The following FMN1 variants were observed in gnomAD, a reference collection of about 807,000 sequenced individuals.
FMN1 encodes the protein formin 1.
In FMN1, 110 loss-of-function variants were observed where a neutral mutation model predicts 132.4. That is an observed-to-expected ratio of 0.83 (90% CI 0.71 to 0.97). The LOEUF is 0.97. Ranked by LOEUF, FMN1 falls within the 50% of genes least tolerant of loss-of-function variation. The pLI, the probability that FMN1 is intolerant of heterozygous loss-of-function variation, is 0.00. For synonymous variants in FMN1, 722 were observed against 651.7 expected, an observed-to-expected ratio of 1.11 and a Z score of -1.64; for missense variants, 1,792 against 1,705.3, an observed-to-expected ratio of 1.05 and a Z score of -0.90.
chr15:32,951,538 G>C (rs1393151826), intron 9 of FMN1, among the ~76,000 whole-genome samples: 1 of 152,086 alleles, frequency 6.6e-6, no homozygotes, highest in East Asian at 1.9e-4. Context: ...TGAGAGATGA[G>C]GCTTCTGGTT....
chr15:32,791,714 T>C (rs1462184829), intron 19 of FMN1, among the ~76,000 whole-genome samples: 1 of 152,062 alleles, frequency 6.6e-6, no homozygotes, highest in Non-Finnish European at 1.5e-5. Context: ...GAGTCAGAAA[T>C]AGATGAAAAA....
intron 7 of FMN1, chr15:32,970,671 T>C (rs2031705955): frequency 6.6e-6 from 1 of 152,088 alleles, no homozygotes; most frequent in South Asian, 2.1e-4. Context: ...TTTAACAGCC[T>C]TGGAGGGAAA....
chr15:32,871,443 G>A (rs565378314), intron 16 of FMN1, among the ~76,000 whole-genome samples: 198 of 152,226 alleles, frequency 1.3e-3, no homozygotes, highest in Middle Eastern at 3.4e-3. Context: ...AACTCCACAA[G>A]CATGTTTAAC....
intron 6 of FMN1, among the ~76,000 whole-genome samples, chr15:33,052,050 A>G (rs575183484): frequency 2.0e-5 from 3 of 152,232 alleles, no homozygotes; most frequent in East Asian, 3.9e-4. Context: ...TCTGAGGAGG[A>G]AAGAATTGAG....
chr15:33,067,556 TTTCTC>T, intron 5 of FMN1: 1 of 1,613,992 alleles, frequency 6.2e-7, no homozygotes, highest in Non-Finnish European at 8.5e-7. Flanking sequence ...CCCTGCTTCT[TTTCTC>T]TGACTTCCCT....
At chr15:33,042,229 T>A (rs2036473605) in intron 6 of FMN1, among the ~76,000 whole-genome samples, 1 of 152,264 alleles carries the variant, frequency 6.6e-6, no homozygotes. Flanking sequence ...AAGAAAATGG[T>A]ACAAGTTTAC....
Position 33,095,778 on chromosome 15 carries a change from T to C in FMN1, c.1868-6804A>G, listed in dbSNP as rs145685876. ...CTTTTATGTCACATTATTCCAATTA[T>C]TATGAGGATGGTTGCACCAGTGGGA... is the stretch of plus-strand genomic sequence containing the variant. On this transcript the variant is annotated intron_variant, in intron 4 of 20. Transcript: ENST00000616417. Among the ~76,000 whole-genome samples the C allele has an allele frequency of 1.5e-3, 233 of 152,290 alleles. 1 individual carries two copies. Among genetic ancestry groups the C allele is most frequent in the Non-Finnish European group, 1.8e-3 (122 of 68,024 alleles).
At chr15:32,981,224 G>C (rs975938353) in intron 7 of FMN1, among the ~76,000 whole-genome samples, 2 of 152,034 alleles carry the variant, frequency 1.3e-5, no homozygotes, top group Non-Finnish European at 2.9e-5. Context: ...GGGTGCGGTG[G>C]CTCACGCCTG....
chr15:33,074,270 C>T (rs8029843), intron 5 of FMN1, among the ~76,000 whole-genome samples: 20,585 of 152,206 alleles, frequency 0.14, 1,651 homozygotes, highest in Middle Eastern at 0.21. Context: ...TTGCTTCTAC[C>T]TAATTCACAG....
chr15:32,898,662 A>G (rs577583107), intron 15 of FMN1, among the ~76,000 whole-genome samples, 172 bp downstream of exon 15: 3 of 152,316 alleles, frequency 2.0e-5, no homozygotes, highest in South Asian at 2.1e-4. Flanking sequence ...GCTTCTCTTC[A>G]TAAGTCAACT....
At chr15:33,105,276 T>A (rs1377191766) in intron 4 of FMN1, among the ~76,000 whole-genome samples, 1 of 152,026 alleles carries the variant, frequency 6.6e-6, no homozygotes. Context: ...AAGACTTTCC[T>A]TGGGCCACTT....
intron 6 of FMN1, among the ~76,000 whole-genome samples, chr15:33,038,753 C>CA (rs1318231515): frequency 6.6e-6 from 1 of 152,146 alleles, no homozygotes; most frequent in Non-Finnish European, 1.5e-5. Flanking sequence ...ATCATAGACT[C>CA]ATTTGGAATG....
chr15:32,902,654 T>C (rs1019637882), intron 12 of FMN1, among the ~76,000 whole-genome samples: 5 of 152,206 alleles, frequency 3.3e-5, no homozygotes, highest in African/African-American at 9.7e-5. Context: ...CAGGCACTCA[T>C]TAAGTAGACA....
intron 17 of FMN1, among the ~76,000 whole-genome samples, chr15:32,815,996 T>C (rs1267759056): frequency 2.0e-5 from 3 of 152,222 alleles, no homozygotes; most frequent in African/African-American, 7.2e-5. Context: ...TCGACAGCTG[T>C]AGTAATTAAA....
At chr15:32,929,755 A>T (rs1013875740) in intron 9 of FMN1, among the ~76,000 whole-genome samples, 2 of 142,388 alleles carry the variant, frequency 1.4e-5, no homozygotes, top group Non-Finnish European at 3.1e-5. Flanking sequence ...GTAGCAAATG[A>T]CAAGATTTCC....
chr15:33,012,837 G>C (rs2034808043), intron 6 of FMN1: 2 of 627,276 alleles, frequency 3.2e-6, no homozygotes, highest in African/African-American at 1.8e-5. Flanking sequence ...GTAGCAGTGG[G>C]GGTGGCTATA....
In FMN1 at chr15:32,769,607, A is replaced by G. The variant is rs2056159361; in HGVS notation, c.*4703T>C. On this transcript the variant is annotated 3_prime_UTR_variant, in exon 21 of 21. Coordinates refer to ENST00000616417, the MANE Select transcript of FMN1 (RefSeq NM_001277313.2). The stretch of plus-strand genomic sequence containing the variant: ...TCTTTAAGCCACTTCTATACTAATA[A>G]CAGTTTCCAGGCAGCTGGATTGTTT... The G allele has an allele frequency of 1.3e-5, 2 of 152,210 alleles. No individual in the cohort carries two copies. The highest frequency in any genetic ancestry group is 1.3e-4 in the Admixed American group (2 of 15,286). 9.4% of individuals were successfully genotyped at this position (152,210 alleles called of 1,614,324 possible).
chr15:33,081,963 G>A (rs1451206845), intron 5 of FMN1, among the ~76,000 whole-genome samples: 1 of 152,024 alleles, frequency 6.6e-6, no homozygotes, highest in Non-Finnish European at 1.5e-5. Context: ...GGGCCTCACA[G>A]GTGAGAAGGG....
intron 17 of FMN1, among the ~76,000 whole-genome samples, chr15:32,825,832 T>C (rs2058350788): frequency 6.6e-6 from 1 of 152,148 alleles, no homozygotes; most frequent in African/African-American, 2.4e-5. Flanking sequence ...AGACCGTCTC[T>C]TATCTTTGCT....
Sources: gnomAD v4.1 joint callset for allele counts (sites outside exome capture counted in the v4.1 genomes callset) on GRCh38, gnomAD v4.1.1 for gene constraint, MANE v1.5 for transcripts, NCBI Gene and HGNC (gene_info 2026-07-23, HGNC 2026-07-21) for gene names.